LSM14B: variants seen among roughly 807,000 people sequenced by gnomAD.
The protein encoded by LSM14B is LSM family member 14B, also known as protein LSM14 homolog B.
Under a neutral mutation model 42.1 loss-of-function variants are expected in LSM14B, and 8 were observed. The ratio of observed to expected loss-of-function variants is 0.19; its 90% CI spans 0.11 to 0.34. The LOEUF is 0.34. Among genes scored for constraint, LSM14B ranks in the 10% least tolerant of loss-of-function variants. LSM14B has a pLI of 1.00. For missense variants in LSM14B, 396 were observed against 513.1 expected (o/e 0.77, Z 2.21); for synonymous variants, 219 against 209.7 (o/e 1.04, Z -0.38).
At chr20:62,126,237 C>T in intron 2 of LSM14B, 67 bp from the exon 3 acceptor site, 2 of 1,610,396 alleles carry the variant, frequency 1.2e-6, no homozygotes, top group South Asian at 2.2e-5. Context: ...TGAACAAGCG[C>T]CCTGATGAAG....
intron 1 of LSM14B, among the ~76,000 whole-genome samples, chr20:62,124,222 A>C (rs748219443): frequency 6.6e-6 from 1 of 152,266 alleles, no homozygotes; most frequent in Non-Finnish European, 1.5e-5. Context: ...CCTCAGGCGC[A>C]ATGTGCGGTG....
intron 2 of LSM14B, among the ~76,000 whole-genome samples, chr20:62,125,862 C>G (rs1435158096): frequency 6.6e-6 from 1 of 152,132 alleles, no homozygotes; most frequent in Non-Finnish European, 1.5e-5. Context: ...GAGTTCAAGA[C>G]CAGCTTGGCC....
chr20:62,129,646 C>G, intron 3 of LSM14B, 139 bp from the exon 4 acceptor site: 1 of 959,986 alleles, frequency 1.0e-6, no homozygotes. Flanking sequence ...TCTGGGGGTG[C>G]TTTGCCTGGA....
At position 62,131,780 on chromosome 20, in the gene LSM14B, C is replaced by A. The variant is rs1555578; in HGVS notation, c.986+274C>A. On this transcript the variant is annotated intron_variant, in intron 7 of 8. Coordinates refer to ENST00000279068, the MANE Select transcript of LSM14B (RefSeq NM_144703.3). ...ACAAAGGCTGGGCTGCACCGCCCCCCCCGGCAGACCCGTGTCCACATTCAG... is the reference window on the plus strand; with the variant it reads ...ACAAAGGCTGGGCTGCACCGCCCCCACCGGCAGACCCGTGTCCACATTCAG... Among the ~76,000 whole-genome samples, 21 of 152,238 alleles carry A rather than the reference C, an allele frequency of 1.4e-4. No individual in the cohort carries two copies. In the East Asian group the frequency reaches 3.1e-3, roughly 22 times the overall value.
intron 7 of LSM14B, 77 bp downstream of exon 7, chr20:62,131,583 G>T (rs1160121608): frequency 5.8e-6 from 9 of 1,560,154 alleles, no homozygotes; most frequent in Non-Finnish European, 7.9e-6. Flanking sequence ...CAACCTGAGG[G>T]CAGAGCTGGA....
intron 4 of LSM14B, 23 bp downstream of exon 4, chr20:62,129,975 G>C: frequency 1.3e-6 from 2 of 1,587,578 alleles, no homozygotes; most frequent in Non-Finnish European, 1.7e-6. Flanking sequence ...ATCATTTCCT[G>C]GAGTTTGCTT....
Position 62,133,427 on chromosome 20 carries a change from C to T in LSM14B, c.1124C>T (p.Pro375Leu), listed in dbSNP as rs1479178030. ...GRGNGTTRRN[P>L]TSHRAGTGRV Reference sequence around the variant, plus strand: ...GGCAATGGGACCACCCGTCGCAACCCCACTTCCCACAGGGCCGGGACTGGC... The same window carrying T: ...GGCAATGGGACCACCCGTCGCAACCTCACTTCCCACAGGGCCGGGACTGGC... Residue 375 changes from proline (P) to leucine (L), a missense_variant, in exon 8 of 9, where the codon CCC (proline) becomes CTC (leucine). Transcript: ENST00000279068. The T allele has an allele frequency of 6.2e-7, 1 of 1,613,096 alleles. No homozygotes were observed. Among genetic ancestry groups the T allele is most frequent in the Non-Finnish European group, 8.5e-7 (1 of 1,179,554 alleles).
intron 1 of LSM14B, among the ~76,000 whole-genome samples, chr20:62,124,192 C>T (rs924960622): frequency 6.6e-6 from 1 of 152,216 alleles, no homozygotes; most frequent in Non-Finnish European, 1.5e-5. Flanking sequence ...CGTCTAGATT[C>T]CTTTGTGAGA....
Position 62,130,447 on chromosome 20 carries a change from T to C in LSM14B, c.674-83T>C. 1 of 1,557,834 alleles carries C rather than the reference T, an allele frequency of 6.4e-7. No individual in the cohort carries two copies. Among genetic ancestry groups the C allele is most frequent in the Non-Finnish European group, 8.7e-7 (1 of 1,148,072 alleles). ...TCTGTTCCTTCTGTGGCCTTGGGGG[T>C]GTGCCTGGAAATTCCTTGTGAGGTG... On this transcript the variant is annotated intron_variant, in intron 5 of 8. Coordinates refer to ENST00000279068, the MANE Select transcript of LSM14B (RefSeq NM_144703.3). This position sits in a 1 kb window ranked among gnomAD's most constrained non-coding sequence, Gnocchi z 4.1.
chr20:62,129,702 G>A, intron 3 of LSM14B, 83 bp from the exon 4 acceptor site: 1 of 1,396,456 alleles, frequency 7.2e-7, no homozygotes, highest in South Asian at 1.5e-5. Flanking sequence ...TTCCTGACAT[G>A]CCAGCAGAAG....
rs374354124 is a variant in LSM14B, at chr20:62,131,388, C to G, written c.868C>G (p.Leu290Val). Residue 290 changes from leucine to valine, a missense_variant, in exon 7 of 9, where the codon CTG (leucine) becomes GTG (valine). Leu to Val is a conservative substitution (Grantham distance 32, BLOSUM62 1). Around this residue, in one of 3 missense-constraint regions of LSM14B, gnomAD observed 118 missense variants for 156.4 expected, o/e 0.75. Transcript: ENST00000279068. ...GGCTGAGAAGGGGGAAGAGAAGGAC[C>G]TGGCTGTGGTGACCCAGAGTGCCGA... ...DKAEKGEEKD[L>V]AVVTQSAEAP... The G allele has an allele frequency of 6.2e-6, 10 of 1,609,522 alleles. No individual in the cohort carries two copies. In the African/African-American group the frequency reaches 1.3e-4, roughly 22 times the overall value.
In LSM14B at chr20:62,134,171, T is replaced by C. The variant is rs540137727; in HGVS notation, c.*23T>C. ...CCTGTCATCTCTTGCAGGCTCCTAC[T>C]GAAGTGGCGCATAACTGACGCTGTG... On this transcript the variant is annotated 3_prime_UTR_variant, in exon 9 of 9. Coordinates refer to ENST00000279068, the MANE Select transcript of LSM14B (RefSeq NM_144703.3). The C allele has an allele frequency of 4.7e-5, 22 of 464,284 alleles. No individual in the cohort carries two copies. The highest frequency in any genetic ancestry group is 2.2e-4 in the Admixed American group (9 of 41,430). 28.8% of individuals were successfully genotyped at this position (464,284 alleles called of 1,614,324 possible). A position where few individuals can be genotyped will look rare whatever the true frequency, so the allele number is the denominator to read the frequency against.
At chr20:62,131,860 T>A (rs922098700) in intron 7 of LSM14B, among the ~76,000 whole-genome samples, 34 of 152,368 alleles carry the variant, frequency 2.2e-4, no homozygotes, top group African/African-American at 7.9e-4. Flanking sequence ...CCTGAGGTCC[T>A]TGCTTAGCAG....
Position 62,124,608 on chromosome 20 carries a change from A to G in LSM14B, c.128-9A>G, listed in dbSNP as rs1267932097. The G allele has an allele frequency of 6.2e-7, 1 of 1,612,598 alleles. No individual in the cohort carries two copies. The highest frequency in any genetic ancestry group is 8.5e-7 in the Non-Finnish European group (1 of 1,179,182). The stretch of plus-strand genomic sequence containing the variant: ...ACAACAATAACGCTTCTCTTTCTCC[A>G]CTCATAAGTGAGGTCCTTTGGCACT... On this transcript the variant is annotated splice_polypyrimidine_tract_variant and intron_variant, in intron 1 of 8. Transcript: ENST00000279068.
chr20:62,123,027 C>T (rs927856985), intron 1 of LSM14B: 3 of 235,922 alleles, frequency 1.3e-5, no homozygotes, highest in Admixed American at 5.8e-5. Flanking sequence ...ACAATGGTCT[C>T]CCTGGGCTCC....
chr20:62,131,278 G>T lies in LSM14B; in HGVS notation c.836-78G>T, dbSNP rs566780851. On this transcript the variant is annotated intron_variant, in intron 6 of 8. Transcript: ENST00000279068. ...TAGCTTGAGGGTGGCTTCCGAGTGA[G>T]CCCGGAGGGACCACCCTGCTAAAAG... 1.1e-5 allele frequency: 17 copies of T among 1,490,550 alleles called. No homozygotes were observed. In the Admixed American group the frequency reaches 3.7e-4, roughly 33 times the overall value. The allele number at this position is 1,490,550 out of a possible 1,614,324, so 92.3% of individuals were successfully genotyped here. A position where few individuals can be genotyped will look rare whatever the true frequency, so the allele number is the denominator to read the frequency against.
At chr20:62,132,073 AT>A (rs1469673508) in intron 7 of LSM14B, among the ~76,000 whole-genome samples, 4 of 152,236 alleles carry the variant, frequency 2.6e-5, no homozygotes, top group Non-Finnish European at 5.9e-5. Flanking sequence ...AGCGCCAGAC[AT>A]GCCGCGGGGC....
intron 1 of LSM14B, 113 bp from the exon 2 acceptor site, chr20:62,124,504 G>A (rs1484400909): frequency 8.8e-7 from 1 of 1,139,900 alleles, no homozygotes; most frequent in Non-Finnish European, 1.2e-6. Context: ...GGGGTGCTGT[G>A]TTGTGGCTCT....
chr20:62,133,578 A>AG, intron 8 of LSM14B, 103 bp downstream of exon 8: 1 of 1,342,082 alleles, frequency 7.5e-7, no homozygotes, highest in Non-Finnish European at 1.0e-6. Flanking sequence ...CCCAGGAAGA[A>AG]GAGAGGCCCA....
Sources: allele counts gnomAD v4.1 joint callset (sites outside exome capture counted in the v4.1 genomes callset), GRCh38; gene constraint gnomAD v4.1.1; regional missense constraint gnomAD v4.1.1; non-coding constraint Gnocchi (gnomAD v3.1); transcripts MANE v1.5; gene names NCBI Gene and HGNC (gene_info 2026-07-23, HGNC 2026-07-21).